ACYP2: variants seen among roughly 807,000 people sequenced by gnomAD.
The protein encoded by ACYP2 is acylphosphatase-2.
A neutral mutation model predicts 11.2 loss-of-function variants in ACYP2; 12 were observed. That is an observed-to-expected ratio of 1.08 (90% CI 0.69 to 1.74). The LOEUF is 1.74. ACYP2 is among the 40% of genes most tolerant of loss of function. The pLI, the probability that ACYP2 is intolerant of heterozygous loss-of-function variation, is 0.00. For missense variants in ACYP2, 134 were observed against 101.9 expected, an observed-to-expected ratio of 1.31 and a Z score of -1.35; for synonymous variants, 43 against 32.2, an observed-to-expected ratio of 1.33 and a Z score of -1.13.
At chr2:54,223,189 T>G (rs1685871033) in intron 6 of ACYP2, 1 of 152,150 alleles carries the variant, frequency 6.6e-6, no homozygotes, top group African/African-American at 2.4e-5. Flanking sequence ...CAGCCCCCAT[T>G]TAGCTCAATT....
At chr2:54,100,086 T>C (rs992276329) in intron 4 of ACYP2, among the ~76,000 whole-genome samples, 2 of 152,238 alleles carry the variant, frequency 1.3e-5, no homozygotes, top group Non-Finnish European at 2.9e-5. Context: ...GTGTATCACA[T>C]ACTCTTTTCT....
At chr2:54,009,035 C>G (rs570088545) in intron 2 of ACYP2, among the ~76,000 whole-genome samples, 103 of 151,710 alleles carry the variant, frequency 6.8e-4, no homozygotes, top group East Asian at 1.6e-3. Context: ...CACCTGTAAT[C>G]CTAGCTACTC....
At chr2:54,295,973 A>T (rs1268675032) in intron 6 of ACYP2, among the ~76,000 whole-genome samples, 2 of 152,014 alleles carry the variant, frequency 1.3e-5, no homozygotes, top group African/African-American at 2.4e-5. Context: ...GTTAGCCAGG[A>T]TGGTCTCGCA....
chr2:54,197,722 A>G (rs560042416), intron 6 of ACYP2, among the ~76,000 whole-genome samples: 11 of 152,218 alleles, frequency 7.2e-5, no homozygotes, highest in Admixed American at 7.2e-4. Context: ...TCTTTGAGGA[A>G]TAAGTAGAAG....
At position 54,014,014 on chromosome 2, in the gene ACYP2, C is replaced by T. The variant is rs148746490; in HGVS notation, c.63-36944C>T. On this transcript the variant is annotated intron_variant, in intron 2 of 6. Transcript: ENST00000607452. ...CTCCACTAAAAATACAAACATTAGC[C>T]GGGAGTGGTGGCAGGCACTTGTAAT... 2.2e-3 allele frequency among the ~76,000 whole-genome samples: 336 copies of T among 152,074 alleles called. 2 individuals are homozygous for T. In the Middle Eastern group the frequency reaches 0.024, roughly 11 times the overall value.
chr2:54,083,011 T>C (rs1266086414), intron 4 of ACYP2, among the ~76,000 whole-genome samples: 1 of 151,686 alleles, frequency 6.6e-6, no homozygotes, highest in East Asian at 1.9e-4. Flanking sequence ...GAGGCAGTGA[T>C]TGTAGTGAGC....
intron 6 of ACYP2, chr2:54,256,296 C>T (rs1687530562): frequency 1.2e-6 from 1 of 832,946 alleles, no homozygotes; most frequent in South Asian, 1.8e-5. Context: ...CTCAGTCTCG[C>T]GACACTCACT....
chr2:54,072,546 C>T (rs1677116166), intron 4 of ACYP2, among the ~76,000 whole-genome samples: 3 of 74,026 alleles, frequency 4.1e-5, no homozygotes, highest in African/African-American at 8.2e-5. Context: ...TTCCTTCCTT[C>T]CTTCATTATT....
intron 4 of ACYP2, chr2:54,123,409 AG>A (rs1680271543): frequency 2.5e-6 from 1 of 398,542 alleles, no homozygotes. Context: ...CTACAAATAG[AG>A]GTAGGAAGGA....
chr2:54,036,968 T>G (rs1674933823), intron 2 of ACYP2, among the ~76,000 whole-genome samples: 1 of 152,182 alleles, frequency 6.6e-6, no homozygotes, highest in South Asian at 2.1e-4. Flanking sequence ...GATCACTCAT[T>G]TAAGAGGACT....
At chr2:53,987,444 T>G (rs1672091070) in intron 2 of ACYP2, among the ~76,000 whole-genome samples, 1 of 152,154 alleles carries the variant, frequency 6.6e-6, no homozygotes, top group Admixed American at 6.6e-5. Context: ...ACAAAGTAGT[T>G]CATCTACAGG....
chr2:54,255,090 A>T (rs1193270004), intron 6 of ACYP2: 1 of 1,614,154 alleles, frequency 6.2e-7, no homozygotes, highest in Non-Finnish European at 8.5e-7. Flanking sequence ...TGTGGTCTGA[A>T]AACCAGGTGA....
chr2:54,160,813 T>A (rs1392107799), intron 6 of ACYP2, among the ~76,000 whole-genome samples: 2 of 152,136 alleles, frequency 1.3e-5, no homozygotes, highest in African/African-American at 4.8e-5. Flanking sequence ...ACAATAGTAT[T>A]TGTGGGTTAG....
At chr2:54,290,197 G>A (rs998845165) in intron 6 of ACYP2, among the ~76,000 whole-genome samples, 2 of 152,092 alleles carry the variant, frequency 1.3e-5, no homozygotes, top group African/African-American at 4.8e-5. Flanking sequence ...CGCGATCAAT[G>A]GCACCTGAAG....
chr2:54,202,033 C>T (rs1208363003), intron 6 of ACYP2, among the ~76,000 whole-genome samples: 1 of 149,676 alleles, frequency 6.7e-6, no homozygotes. Flanking sequence ...TAAGTTTCTG[C>T]TTAAAGCCCT....
chr2:54,153,905 T>C (rs1223418272), intron 6 of ACYP2, among the ~76,000 whole-genome samples: 1 of 152,150 alleles, frequency 6.6e-6, no homozygotes, highest in Non-Finnish European at 1.5e-5. Flanking sequence ...TGGCCCGTAG[T>C]TGGACTTTTT....
chr2:54,293,175 G>A (rs2104148786), intron 6 of ACYP2, among the ~76,000 whole-genome samples: 1 of 152,300 alleles, frequency 6.6e-6, no homozygotes, highest in Non-Finnish European at 1.5e-5. Flanking sequence ...CAACCAGGAA[G>A]TAGTAGCTGG....
chr2:54,217,747 G>T (rs913804135), intron 6 of ACYP2, among the ~76,000 whole-genome samples: 1 of 151,868 alleles, frequency 6.6e-6, no homozygotes, highest in African/African-American at 2.4e-5. Flanking sequence ...AAAAGATCAT[G>T]GGTTAAAAAA....
intron 6 of ACYP2, among the ~76,000 whole-genome samples, chr2:54,151,594 C>T (rs1014060542): frequency 1.3e-5 from 2 of 152,042 alleles, no homozygotes; most frequent in African/African-American, 4.8e-5. Flanking sequence ...ATAGTTTAGT[C>T]TAATTGATAT....
Sources: gnomAD v4.1 joint callset for allele counts (sites outside exome capture counted in the v4.1 genomes callset) on GRCh38, gnomAD v4.1.1 for gene constraint, MANE v1.5 for transcripts, NCBI Gene and HGNC (gene_info 2026-07-23, HGNC 2026-07-21) for gene names.